ZNF460: variants seen among roughly 807,000 people sequenced by gnomAD.
ZNF460 encodes the protein zinc finger protein 272.
In ZNF460, 1 loss-of-function variant was observed where a neutral mutation model predicts 8.4. The ratio of observed to expected loss-of-function variants is 0.12; its 90% CI spans 0.04 to 0.56. The LOEUF (loss-of-function observed/expected upper bound fraction) is 0.56, where lower values mean the gene tolerates loss of function less well. Among genes scored for constraint, ZNF460 ranks in the 20% least tolerant of loss-of-function variants. ZNF460 has a pLI of 0.91. For missense variants in ZNF460, 477 were observed against 714.8 expected, an observed-to-expected ratio of 0.67 and a Z score of 3.79; for synonymous variants, 262 against 259.9, an observed-to-expected ratio of 1.01 and a Z score of -0.08.
In ZNF460 at chr19:57,292,389, C is replaced by T. The variant is rs1310493045; in HGVS notation, c.*159C>T. 2 of 753,260 alleles carry T rather than the reference C, an allele frequency of 2.7e-6. No homozygotes were observed. The highest frequency in any genetic ancestry group is 1.9e-5 in the South Asian group (1 of 52,620). 46.7% of individuals were successfully genotyped at this position (753,260 alleles called of 1,614,324 possible). On this transcript the variant is annotated 3_prime_UTR_variant, in exon 3 of 3. Transcript: ENST00000360338. Reference sequence around the variant, plus strand: ...TGAAGAGAAACTCCATAAGTATCATCTCTGTGGGAAAACCTGTTTTAGATC... The same window carrying T: ...TGAAGAGAAACTCCATAAGTATCATTTCTGTGGGAAAACCTGTTTTAGATC...
At chr19:57,281,886 C>T (rs1316106507) in intron 1 of ZNF460, 1 of 152,130 alleles carries the variant, frequency 6.6e-6, no homozygotes, top group Non-Finnish European at 1.5e-5. Flanking sequence ...TACACAAGAG[C>T]AATTTGAGGG....
rs986965319 is a variant in ZNF460 at position 57,286,607 on chromosome 19, A to T, written c.157+1930A>T. On this transcript the variant is annotated intron_variant, in intron 2 of 2. Coordinates refer to ENST00000360338, the MANE Select transcript of ZNF460 (RefSeq NM_006635.4). Reference sequence around the variant, plus strand: ...AGACTAGGCTTGGCATCATAATAAGACTCCATCTTTTTTTACTTTTTGAAT... The same window carrying T: ...AGACTAGGCTTGGCATCATAATAAGTCTCCATCTTTTTTTACTTTTTGAAT... 2.6e-5 allele frequency among the ~76,000 whole-genome samples: 4 copies of T among 151,812 alleles called. No individual in the cohort carries two copies. The East Asian group carries it at 7.7e-4, about 29-fold the overall frequency.
intron 2 of ZNF460, among the ~76,000 whole-genome samples, chr19:57,286,790 C>T (rs556398566): frequency 2.0e-5 from 3 of 151,790 alleles, no homozygotes; most frequent in East Asian, 3.9e-4. Context: ...GGCGAAACCC[C>T]GTCTCTACTA....
chr19:57,285,627 A>G (rs1405409307), intron 2 of ZNF460, among the ~76,000 whole-genome samples: 1 of 152,048 alleles, frequency 6.6e-6, no homozygotes, highest in African/African-American at 2.4e-5. Context: ...TTCTTGGTAA[A>G]GGTTCTTTCT....
Position 57,282,669 on chromosome 19 carries a change from G to C in ZNF460, c.30+1833G>C, listed in dbSNP as rs372488067. Among the ~76,000 whole-genome samples, 207 of 152,256 alleles carry C rather than the reference G, an allele frequency of 1.4e-3. 1 individual carries two copies. The highest frequency in any genetic ancestry group is 4.8e-3 in the African/African-American group (198 of 41,548). ...ACATAATCAGACCAGAGGGCCCTGG[G>C]CTTAAATCCTGCCTCTGTTGATAAG... On this transcript the variant is annotated intron_variant, in intron 1 of 2. Coordinates refer to ENST00000360338, the MANE Select transcript of ZNF460 (RefSeq NM_006635.4).
At chr19:57,281,604 C>T (rs527289666) in intron 1 of ZNF460, among the ~76,000 whole-genome samples, 4 of 104,404 alleles carry the variant, frequency 3.8e-5, no homozygotes, top group Admixed American at 1.6e-4. Flanking sequence ...CTTGTTCTGT[C>T]GCCCAGGCTG....
At chr19:57,285,497 A>G (rs2087873054) in intron 2 of ZNF460, among the ~76,000 whole-genome samples, 1 of 152,174 alleles carries the variant, frequency 6.6e-6, no homozygotes. Context: ...TAATTCTCCC[A>G]GCATCCCCAT....
intron 1 of ZNF460, among the ~76,000 whole-genome samples, chr19:57,283,921 T>G (rs2087860531): frequency 6.6e-6 from 1 of 151,996 alleles, no homozygotes; most frequent in Admixed American, 6.6e-5. Context: ...AGGAATTTGG[T>G]TTTAAACCTC....
At chr19:57,286,303 G>A (rs2087879079) in intron 2 of ZNF460, among the ~76,000 whole-genome samples, 1 of 152,102 alleles carries the variant, frequency 6.6e-6, no homozygotes, top group Non-Finnish European at 1.5e-5. Context: ...TACTGTGGTG[G>A]TCTGCGATCA....
Position 57,284,619 on chromosome 19 carries a change from C to T in ZNF460, c.99C>T (p.Thr33=), listed in dbSNP as rs2087865966. The change falls in exon 2 of 3, where the codon ACC becomes ACT. Residue 33 remains threonine (T), a synonymous_variant. Transcript: ENST00000360338. ...AGGAGTGGGGGCAGTTGGACGTGAC[C>T]CAGAGGGCCTTGTACGTGGAGGTGA... ...TQEEWGQLDV[T]QRALYVEVML... 1 of 1,613,294 alleles carries T rather than the reference C, an allele frequency of 6.2e-7. No individual in the cohort carries two copies. The highest frequency in any genetic ancestry group is 1.3e-5 in the African/African-American group (1 of 74,808).
At chr19:57,282,244 G>A (rs1242665404) in intron 1 of ZNF460, among the ~76,000 whole-genome samples, 1 of 152,184 alleles carries the variant, frequency 6.6e-6, no homozygotes, top group Non-Finnish European at 1.5e-5. Flanking sequence ...GACATATTCT[G>A]AGAGGGCACG....
intron 2 of ZNF460, among the ~76,000 whole-genome samples, chr19:57,286,308 C>T (rs868379045): frequency 3.9e-5 from 6 of 152,036 alleles, no homozygotes; most frequent in Admixed American, 2.6e-4. Context: ...TGGTGGTCTG[C>T]GATCAGTGGT....
intron 2 of ZNF460, among the ~76,000 whole-genome samples, 185 bp downstream of exon 2, chr19:57,284,862 G>A (rs2087868050): frequency 1.3e-5 from 2 of 150,288 alleles, no homozygotes. Flanking sequence ...TGTTGCCCAG[G>A]CTGGAGTGAA....
intron 2 of ZNF460, 136 bp downstream of exon 2, chr19:57,284,813 A>AT (rs755694218): frequency 0.14 from 86,579 of 631,192 alleles, 4,554 homozygotes; most frequent in African/African-American, 0.4. Flanking sequence ...GCTTTACTCT[A>AT]TTTTTTTTTT....
intron 2 of ZNF460, among the ~76,000 whole-genome samples, chr19:57,288,691 G>A (rs897198642): frequency 1.3e-5 from 2 of 152,130 alleles, no homozygotes; most frequent in South Asian, 2.1e-4. Context: ...ATGAACTCAC[G>A]ATTCAGCACA....
chr19:57,281,329 C>CT (rs1262528027), intron 1 of ZNF460, among the ~76,000 whole-genome samples: 3 of 152,056 alleles, frequency 2.0e-5, no homozygotes, highest in East Asian at 3.9e-4. Flanking sequence ...TTGGAGGTGC[C>CT]TTTTTTGGCA....
rs1271986782 is a variant in ZNF460 at position 57,292,172 on chromosome 19, C to T, written c.1631C>T (p.Ala544Val). 1.2e-6 allele frequency: 2 copies of T among 1,614,064 alleles called. No homozygotes were observed. Among genetic ancestry groups the T allele is most frequent in the East Asian group, 4.5e-5 (2 of 44,896 alleles). Residue 544 changes from alanine to valine, a missense_variant, in exon 3 of 3, where the codon GCT (alanine) becomes GTT (valine). Coordinates refer to ENST00000360338, the MANE Select transcript of ZNF460 (RefSeq NM_006635.4). ...AATATGGAAACGCCTTCAATTGCCG[C>T]TCATTCCTCCTCACTCGACATCAAC... The part of the protein sequence containing the change: ...AVNMETPSIA[A>V]HSSSLDINGF...
chr19:57,286,874 G>A (rs771696265), intron 2 of ZNF460, among the ~76,000 whole-genome samples: 38 of 150,524 alleles, frequency 2.5e-4, no homozygotes, highest in Admixed American at 2.0e-4. Flanking sequence ...TGAGGCAGGC[G>A]AATCGCTTGA....
chr19:57,285,582 A>C (rs1369633243), intron 2 of ZNF460, among the ~76,000 whole-genome samples: 7 of 152,074 alleles, frequency 4.6e-5, no homozygotes, highest in African/African-American at 1.7e-4. Flanking sequence ...TAAGAGATAA[A>C]CCTTCATTGT....
Sources: gnomAD v4.1 joint callset for allele counts (sites outside exome capture counted in the v4.1 genomes callset) on GRCh38, gnomAD v4.1.1 for gene constraint, MANE v1.5 for transcripts, NCBI Gene and HGNC (gene_info 2026-07-23, HGNC 2026-07-21) for gene names.